Variants in ZFPM2 observed in about 807,000 individuals in gnomAD.
ZFPM2 encodes the protein zinc finger protein, FOG family member 2, also known as zinc finger protein ZFPM2.
Under a neutral mutation model 98.6 loss-of-function variants are expected in ZFPM2, and 20 were observed. The ratio of observed to expected loss-of-function variants is 0.20; its 90% CI spans 0.14 to 0.29. The LOEUF (loss-of-function observed/expected upper bound fraction) is 0.29. Ranked by LOEUF, ZFPM2 falls within the 10% of genes least tolerant of loss-of-function variation. The pLI is 1.00. For synonymous variants in ZFPM2, 518 were observed against 502.7 expected (o/e 1.03, Z -0.41); for missense variants, 1,310 against 1,388.6 (o/e 0.94, Z 0.90).
chr8:105,349,532 T>G (rs2035363), intron 1 of ZFPM2, among the ~76,000 whole-genome samples: 67,184 of 151,998 alleles, frequency 0.44, 17,058 homozygotes, highest in Middle Eastern at 0.6. Flanking sequence ...ACTAAAACCT[T>G]TGTTGAAATT....
At chr8:105,567,988 A>G (rs1299296161) in intron 4 of ZFPM2, among the ~76,000 whole-genome samples, 1 of 151,984 alleles carries the variant, frequency 6.6e-6, no homozygotes, top group Non-Finnish European at 1.5e-5. Flanking sequence ...CAGGACTACC[A>G]TACTTTCCTA....
intron 2 of ZFPM2, among the ~76,000 whole-genome samples, chr8:105,437,586 A>G (rs1812149916): frequency 6.6e-6 from 1 of 152,220 alleles, no homozygotes; most frequent in African/African-American, 2.4e-5. Flanking sequence ...AGTACTTTTC[A>G]AACTCTTTAG....
chr8:105,398,564 C>T (rs933415119), intron 1 of ZFPM2, among the ~76,000 whole-genome samples: 4 of 151,968 alleles, frequency 2.6e-5, no homozygotes, highest in South Asian at 4.1e-4. Context: ...CAGGATAAAA[C>T]GGGTCTGCCT....
At chr8:105,443,026 A>G (rs1282802482) in intron 2 of ZFPM2, among the ~76,000 whole-genome samples, 5 of 151,942 alleles carry the variant, frequency 3.3e-5, no homozygotes, top group African/African-American at 1.2e-4. Context: ...TCTTGGCATT[A>G]TTGGCCGGGC....
intron 5 of ZFPM2, among the ~76,000 whole-genome samples, chr8:105,713,102 A>G (rs1307296703): frequency 6.6e-6 from 1 of 152,056 alleles, no homozygotes; most frequent in Non-Finnish European, 1.5e-5. Context: ...TTCTTGGAGA[A>G]ATCTCCAAAC....
intron 1 of ZFPM2, among the ~76,000 whole-genome samples, chr8:105,362,291 G>A (rs759360448): frequency 1.3e-5 from 2 of 151,878 alleles, no homozygotes; most frequent in Admixed American, 1.3e-4. Context: ...ATCCTCTTAA[G>A]TTATGTAATA....
At chr8:105,649,999 T>C (rs1275740505) in intron 5 of ZFPM2, among the ~76,000 whole-genome samples, 2 of 152,212 alleles carry the variant, frequency 1.3e-5, no homozygotes, top group East Asian at 1.9e-4. Flanking sequence ...TGGCTGTGAA[T>C]CCATCTGGTC....
At chr8:105,797,061 T>C (rs1280076576) in intron 6 of ZFPM2, 3 of 152,204 alleles carry the variant, frequency 2.0e-5, no homozygotes, top group African/African-American at 7.2e-5. Context: ...CACCAAGCAT[T>C]GTTCATGACT....
At position 105,474,120 on chromosome 8, in the gene ZFPM2, T is replaced by C. The variant is rs79663247; in HGVS notation, c.301+29739T>C. On this transcript the variant is annotated intron_variant, in intron 3 of 7. Transcript: ENST00000407775. ...AAAGTGACTAAGCGAGGTTCTTGACTACTGGATGTGCTCCCGAATAAAATC... is the reference window on the plus strand; with the variant it reads ...AAAGTGACTAAGCGAGGTTCTTGACCACTGGATGTGCTCCCGAATAAAATC... Among the ~76,000 whole-genome samples the C allele has an allele frequency of 5.9e-3, 897 of 152,362 alleles. 7 individuals are homozygous for C. Among genetic ancestry groups the C allele is most frequent in the African/African-American group, 0.021 (867 of 41,580 alleles).
intron 1 of ZFPM2, among the ~76,000 whole-genome samples, chr8:105,361,397 G>A (rs1354855335): frequency 3.4e-5 from 5 of 148,686 alleles, no homozygotes; most frequent in Non-Finnish European, 7.4e-5. Context: ...AGTAGGTTGC[G>A]AAAATTTTCT....
At chr8:105,406,459 A>G (rs1811461178) in intron 1 of ZFPM2, among the ~76,000 whole-genome samples, 1 of 152,176 alleles carries the variant, frequency 6.6e-6, no homozygotes, top group East Asian at 1.9e-4. Context: ...TTAATTCAAG[A>G]TGGATTAAAG....
intron 5 of ZFPM2, among the ~76,000 whole-genome samples, chr8:105,637,322 A>T (rs1468590061): frequency 1.3e-5 from 2 of 152,028 alleles, no homozygotes; most frequent in African/African-American, 4.8e-5. Context: ...GAAATCACAA[A>T]ATATATATAT....
rs138757697 is a variant in ZFPM2, at chr8:105,386,257, T to C, written c.41-32887T>C. Among the ~76,000 whole-genome samples, 837 of 152,338 alleles carry C rather than the reference T, an allele frequency of 5.5e-3. 7 individuals are homozygous for C. The highest frequency in any genetic ancestry group is 0.019 in the African/African-American group (802 of 41,576). On this transcript the variant is annotated intron_variant, in intron 1 of 7. Transcript: ENST00000407775. ...GAGATTGTTTTTGCTATACTTAATA[T>C]GTGCCTTTTTGTTTTATTCTTCCTG...
rs888308154 is a variant in ZFPM2 at position 105,791,074 on chromosome 8, A to C, written c.739+2150A>C. ...GACTTCCTCTTTTCCTAATTGAATA[A>C]TCTTTATTTCCTTCTCCTGCCTAAT... is the stretch of plus-strand genomic sequence containing the variant. On this transcript the variant is annotated intron_variant, in intron 6 of 7. Transcript: ENST00000407775. Among the ~76,000 whole-genome samples, 375 of 152,180 alleles carry C rather than the reference A, an allele frequency of 2.5e-3. 2 individuals are homozygous for C. The highest frequency in any genetic ancestry group is 8.2e-3 in the African/African-American group (340 of 41,516).
chr8:105,537,725 T>G (rs1814484498), intron 3 of ZFPM2, among the ~76,000 whole-genome samples: 4 of 151,818 alleles, frequency 2.6e-5, no homozygotes, highest in Admixed American at 2.6e-4. Flanking sequence ...TATTTTTTCT[T>G]TTTTCTTCTT....
intron 3 of ZFPM2, among the ~76,000 whole-genome samples, chr8:105,463,506 A>G (rs1419620731): frequency 6.6e-6 from 1 of 152,016 alleles, no homozygotes; most frequent in Non-Finnish European, 1.5e-5. Flanking sequence ...AGTAATAGCA[A>G]TGCTGGATTA....
At chr8:105,391,161 C>T (rs1468742758) in intron 1 of ZFPM2, among the ~76,000 whole-genome samples, 1 of 152,156 alleles carries the variant, frequency 6.6e-6, no homozygotes, top group Non-Finnish European at 1.5e-5. Flanking sequence ...GCAAATCTTT[C>T]AGTATGGTAC....
At chr8:105,440,932 A>G (rs1424885331) in intron 2 of ZFPM2, among the ~76,000 whole-genome samples, 1 of 152,094 alleles carries the variant, frequency 6.6e-6, no homozygotes, top group Non-Finnish European at 1.5e-5. Flanking sequence ...CGGGTGGATC[A>G]CGAGGTCAAG....
Position 105,803,308 on chromosome 8 carries a change from C to T in ZFPM2, c.3226C>T (p.Pro1076Ser), listed in dbSNP as rs751888307. ...TCAGCACGAAGACGACCACAAATCTCCCTCGTGGATCTCTGAGAACCCATT... is the reference window on the plus strand; with the variant it reads ...TCAGCACGAAGACGACCACAAATCTTCCTCGTGGATCTCTGAGAACCCATT... ...NPQHEDDHKS[P>S]SWISENPLAA... Residue 1076 changes from proline (P) to serine (S), a missense_variant, in exon 8 of 8, where the codon CCC becomes TCC. Coordinates refer to ENST00000407775, the MANE Select transcript of ZFPM2 (RefSeq NM_012082.4). 1 of 1,596,254 alleles carries T rather than the reference C, an allele frequency of 6.3e-7. No homozygotes were observed. Among genetic ancestry groups the T allele is most frequent in the East Asian group, 2.2e-5 (1 of 44,654 alleles).
Sources: allele counts gnomAD v4.1 joint callset (sites outside exome capture counted in the v4.1 genomes callset), GRCh38; gene constraint gnomAD v4.1.1; transcripts MANE v1.5; gene names NCBI Gene and HGNC (gene_info 2026-07-23, HGNC 2026-07-21).